Variants in XXYLT1 observed in about 807,000 individuals in gnomAD.
XXYLT1 encodes xyloside xylosyltransferase 1.
Under a neutral mutation model 28.9 loss-of-function variants are expected in XXYLT1, and 20 were observed. The ratio of observed to expected loss-of-function variants is 0.69; its 90% CI spans 0.49 to 1.00. The LOEUF (loss-of-function observed/expected upper bound fraction) is 1.00. Among genes scored for constraint, XXYLT1 ranks in the 50% least tolerant of loss-of-function variants. The probability of loss-of-function intolerance (pLI) is 0.00; values close to 1 mark genes in which losing one functional copy is unlikely to be tolerated. For missense variants in XXYLT1, 542 were observed against 560.1 expected (o/e 0.97, Z 0.33); for synonymous variants, 257 against 253.8 (o/e 1.01, Z -0.12).
rs954519458 is a variant in XXYLT1, at chr3:195,115,425, A to G, written c.785+41024T>C. Among the ~76,000 whole-genome samples the G allele has an allele frequency of 1.3e-5, 2 of 152,184 alleles. No individual in the cohort carries two copies. Among genetic ancestry groups the G allele is most frequent in the Non-Finnish European group, 2.9e-5 (2 of 68,034 alleles). The stretch of plus-strand genomic sequence containing the variant: ...CTTCTGAACTAGCCAGGAGTCCTTC[A>G]AAAGGCCCAGCCGGAAACCTGCCCC... On this transcript the variant is annotated intron_variant, in intron 3 of 3. Transcript: ENST00000310380. This position sits in a 1 kb window ranked among gnomAD's most constrained non-coding sequence, Gnocchi z 4.2.
At position 195,124,064 on chromosome 3, in the gene XXYLT1, G is replaced by A. The variant is rs1294308676; in HGVS notation, c.785+32385C>T. Reference sequence around the variant, plus strand: ...TGTGCTCCGTGAATCTAGAAGAGGGGGAATAAAATGTACGTATTTCTCAAA... The same window carrying A: ...TGTGCTCCGTGAATCTAGAAGAGGGAGAATAAAATGTACGTATTTCTCAAA... On this transcript the variant is annotated intron_variant, in intron 3 of 3. Coordinates refer to ENST00000310380, the MANE Select transcript of XXYLT1 (RefSeq NM_152531.5). This position sits in a 1 kb window ranked among gnomAD's most constrained non-coding sequence, Gnocchi z 4.1. Among the ~76,000 whole-genome samples, 1 of 152,186 alleles carries A rather than the reference G, an allele frequency of 6.6e-6. No homozygotes were observed. The highest frequency in any genetic ancestry group is 1.5e-5 in the Non-Finnish European group (1 of 68,032).
At chr3:195,072,587 G>T (rs1390606663) in intron 3 of XXYLT1, among the ~76,000 whole-genome samples, 2 of 152,310 alleles carry the variant, frequency 1.3e-5, no homozygotes, top group East Asian at 3.9e-4. Flanking sequence ...CAATCAGGAT[G>T]AAGAGGTATT....
At position 195,156,429 on chromosome 3, in the gene XXYLT1, C is replaced by T. The variant is rs1162994025; in HGVS notation, c.785+20G>A. ...GTGGGGAGGGGTCGTGGAGGCGGCC[C>T]CCCTGCAGTCATGACGCACCTGTAA... On this transcript the variant is annotated intron_variant, in intron 3 of 3. Transcript: ENST00000310380. 1 of 1,611,614 alleles carries T rather than the reference C, an allele frequency of 6.2e-7. No individual in the cohort carries two copies. Among genetic ancestry groups the T allele is most frequent in the South Asian group, 1.1e-5 (1 of 90,848 alleles).
intron 2 of XXYLT1, among the ~76,000 whole-genome samples, chr3:195,169,192 G>A (rs749512325): frequency 1.3e-4 from 20 of 152,256 alleles, no homozygotes; most frequent in African/African-American, 2.9e-4. Flanking sequence ...GCGGCAACGC[G>A]CTTAGCAGAG....
intron 2 of XXYLT1, chr3:195,184,636 A>T (rs1722098021): frequency 1.0e-6 from 1 of 985,320 alleles, no homozygotes; most frequent in Non-Finnish European, 1.2e-6. Context: ...CTACTTACCC[A>T]GAAACAAGGT....
rs1338143061 is a variant in XXYLT1 at position 195,248,357 on chromosome 3, C to T, written c.505-21501G>A. ...CCCACCTGCTGTGGGAGGGACTGGG[C>T]GGGAGGTAACTGAATCGTGCGGGCA... is the stretch of plus-strand genomic sequence containing the variant. On this transcript the variant is annotated intron_variant, in intron 1 of 3. Transcript: ENST00000310380. Among the ~76,000 whole-genome samples the T allele has an allele frequency of 3.9e-5, 6 of 152,178 alleles. No homozygotes were observed. The South Asian group carries it at 1.0e-3, about 26-fold the overall frequency.
At chr3:195,259,574 A>C (rs1448984519) in intron 1 of XXYLT1, 6 of 985,422 alleles carry the variant, frequency 6.1e-6, no homozygotes, top group African/African-American at 1.7e-5. Flanking sequence ...CTCCCGCCCC[A>C]GGTACAGGCC....
intron 2 of XXYLT1, among the ~76,000 whole-genome samples, chr3:195,208,682 A>G (rs774522782): frequency 2.2e-4 from 34 of 152,200 alleles, no homozygotes; most frequent in Non-Finnish European, 4.0e-4. Context: ...CATTAGAGAA[A>G]GAGAGAGAAG....
intron 3 of XXYLT1, among the ~76,000 whole-genome samples, chr3:195,102,283 T>C (rs893881734): frequency 6.6e-5 from 10 of 152,214 alleles, no homozygotes; most frequent in Admixed American, 3.3e-4. Context: ...TCTTTGTGTG[T>C]GTGGCAAGAG....
chr3:195,190,225 T>G (rs1019122587), intron 2 of XXYLT1, among the ~76,000 whole-genome samples: 2 of 152,074 alleles, frequency 1.3e-5, no homozygotes, highest in Admixed American at 1.3e-4. Context: ...CTGGGCATGG[T>G]GGCTCATGCC....
intron 3 of XXYLT1, among the ~76,000 whole-genome samples, chr3:195,112,571 A>C (rs1717810725): frequency 6.8e-6 from 1 of 147,386 alleles, no homozygotes; most frequent in Non-Finnish European, 1.5e-5. Context: ...GAAGCAGTGC[A>C]CACACACGCA....
At chr3:195,243,315 A>T (rs1029464561) in intron 1 of XXYLT1, among the ~76,000 whole-genome samples, 1 of 151,986 alleles carries the variant, frequency 6.6e-6, no homozygotes. Context: ...CATATGTAAC[A>T]AACCTGCACG....
chr3:195,227,919 A>G (rs1724125413), intron 1 of XXYLT1, among the ~76,000 whole-genome samples: 1 of 152,208 alleles, frequency 6.6e-6, no homozygotes, highest in African/African-American at 2.4e-5. Context: ...GCCCATGCGC[A>G]GCCCCAGCTT....
At chr3:195,218,888 C>T (rs1324793428) in intron 2 of XXYLT1, among the ~76,000 whole-genome samples, 1 of 152,016 alleles carries the variant, frequency 6.6e-6, no homozygotes, top group African/African-American at 2.4e-5. Context: ...CGGCATTATT[C>T]ACAATAGCAA....
intron 2 of XXYLT1, among the ~76,000 whole-genome samples, chr3:195,175,135 G>A (rs1448790375): frequency 6.6e-6 from 1 of 152,216 alleles, no homozygotes; most frequent in African/African-American, 2.4e-5. Context: ...CAGAGCAATC[G>A]GGGCTGTGCC....
chr3:195,094,434 C>A (rs1332234694), intron 3 of XXYLT1, among the ~76,000 whole-genome samples: 2 of 152,200 alleles, frequency 1.3e-5, no homozygotes, highest in Non-Finnish European at 2.9e-5. Context: ...AGTGGCCCGA[C>A]CAGGCTTCCT....
chr3:195,107,757 T>C (rs903302), intron 3 of XXYLT1, among the ~76,000 whole-genome samples: 104,035 of 149,860 alleles, frequency 0.69, 36,461 homozygotes, highest in Middle Eastern at 0.72. Context: ...CCTGCGCTTC[T>C]GGCGGGGATC....
intron 2 of XXYLT1, among the ~76,000 whole-genome samples, chr3:195,204,692 G>T (rs574012120): frequency 6.6e-6 from 1 of 152,156 alleles, no homozygotes; most frequent in African/African-American, 2.4e-5. Context: ...CCCACAACCC[G>T]CAATGTGCTG....
rs115103637 is a variant in XXYLT1 at position 195,144,266 on chromosome 3, C to G, written c.785+12183G>C. On this transcript the variant is annotated intron_variant, in intron 3 of 3. Transcript: ENST00000310380. ...GGGACTGGGCCTCTTCTAATCTGAT[C>G]GGTGCAAATGGCTGGCTAATCACAT... Among the ~76,000 whole-genome samples, 518 of 142,454 alleles carry G rather than the reference C, an allele frequency of 3.6e-3. 8 individuals are homozygous for G. The highest frequency in any genetic ancestry group is 0.012 in the African/African-American group (496 of 40,958). The allele number at this position is 142,454 out of a possible 152,430, so 93.5% of individuals were successfully genotyped here.
Sources: gnomAD v4.1 joint callset for allele counts (sites outside exome capture counted in the v4.1 genomes callset) on GRCh38, gnomAD v4.1.1 for gene constraint, Gnocchi (gnomAD v3.1) non-coding constraint, MANE v1.5 for transcripts, NCBI Gene and HGNC (gene_info 2026-07-23, HGNC 2026-07-21) for gene names.